Variants in CACNA1E observed in about 807,000 individuals in gnomAD.
CACNA1E encodes voltage-dependent R-type calcium channel subunit alpha-1E.
In CACNA1E, 40 loss-of-function variants were observed where a neutral mutation model predicts 259.2. The observed-to-expected ratio is 0.15, with a 90% CI of 0.12 to 0.20. The LOEUF is 0.20. Ranked by LOEUF, CACNA1E falls within the 10% of genes least tolerant of loss-of-function variation. The pLI is 1.00. For missense variants in CACNA1E, 1,874 were observed against 3,040.1 expected (o/e 0.62, Z 9.02); for synonymous variants, 1,104 against 1,138.5 (o/e 0.97, Z 0.61).
chr1:181,334,615 C>A (rs1314148867), intron 1 of CACNA1E, among the ~76,000 whole-genome samples: 2 of 152,190 alleles, frequency 1.3e-5, no homozygotes, highest in African/African-American at 4.8e-5. Context: ...TCTTTCACTC[C>A]CCACATCCAA....
At chr1:181,529,474 C>T (rs2102720414) in intron 3 of CACNA1E, among the ~76,000 whole-genome samples, 1 of 152,294 alleles carries the variant, frequency 6.6e-6, no homozygotes, top group South Asian at 2.1e-4. Context: ...CCACTGTCCT[C>T]CAGACCCCAG....
rs138615099 is a variant in CACNA1E at position 181,323,591 on chromosome 1, T to C, written c.-15+5468T>C. Among the ~76,000 whole-genome samples, 38 of 152,360 alleles carry C rather than the reference T, an allele frequency of 2.5e-4. No individual in the cohort carries two copies. The East Asian group carries it at 7.3e-3, about 29-fold the overall frequency. On this transcript the variant is annotated intron_variant, in intron 1 of 11. Coordinates refer to the CACNA1E transcript ENST00000524607. ...CTTTACTAGTCATACAATAGGATTT[T>C]TTTGTTTGCTATATTTACTGAATAG...
intron 3 of CACNA1E, among the ~76,000 whole-genome samples, chr1:181,566,891 G>T (rs982073592): frequency 5.9e-5 from 9 of 151,806 alleles, no homozygotes; most frequent in African/African-American, 2.2e-4. Context: ...GATGTTGTTG[G>T]TTGTCATTGC....
intron 2 of CACNA1E, among the ~76,000 whole-genome samples, chr1:181,429,187 A>C (rs1659533500): frequency 6.6e-6 from 1 of 152,204 alleles, no homozygotes; most frequent in African/African-American, 2.4e-5. Context: ...ATCTTAAAAA[A>C]AACAAAAAAG....
intron 1 of CACNA1E, among the ~76,000 whole-genome samples, chr1:181,341,799 T>C (rs1040377746): frequency 2.0e-5 from 3 of 152,264 alleles, no homozygotes; most frequent in African/African-American, 7.2e-5. Flanking sequence ...TGGCTATTTT[T>C]CCTGGGAATT....
intron 3 of CACNA1E, among the ~76,000 whole-genome samples, chr1:181,525,143 A>G (rs915459168): frequency 6.6e-6 from 1 of 152,240 alleles, no homozygotes; most frequent in Non-Finnish European, 1.5e-5. Flanking sequence ...ACATTTGATC[A>G]GAAGAAAAAA....
chr1:181,336,042 A>G (rs2102614751), intron 1 of CACNA1E, among the ~76,000 whole-genome samples: 1 of 152,310 alleles, frequency 6.6e-6, no homozygotes, highest in Non-Finnish European at 1.5e-5. Context: ...AGGTCTAATC[A>G]ATAGAACTTA....
chr1:181,353,445 A>G (rs939740496), intron 1 of CACNA1E, among the ~76,000 whole-genome samples: 8 of 152,358 alleles, frequency 5.3e-5, no homozygotes, highest in Middle Eastern at 3.4e-3. Context: ...ATCTGCTCTG[A>G]AGTCTGAAAG....
At chr1:181,625,895 G>A (rs1188569433) in intron 6 of CACNA1E, among the ~76,000 whole-genome samples, 1 of 152,186 alleles carries the variant, frequency 6.6e-6, no homozygotes, top group East Asian at 1.9e-4. Context: ...AGTCAGAGAA[G>A]TGTGACTCTT....
intron 3 of CACNA1E, among the ~76,000 whole-genome samples, chr1:181,515,499 C>T (rs1313864620): frequency 6.6e-6 from 1 of 152,102 alleles, no homozygotes; most frequent in Admixed American, 6.5e-5. Flanking sequence ...GAAATGTGGA[C>T]GTTATTATAT....
intron 8 of CACNA1E, among the ~76,000 whole-genome samples, chr1:181,713,828 G>A (rs576611515): frequency 1.3e-5 from 2 of 152,116 alleles, no homozygotes; most frequent in African/African-American, 4.8e-5. Context: ...GCACTTGGAG[G>A]GATGCTAGTG....
At chr1:181,649,936 G>T (rs901862423) in intron 6 of CACNA1E, among the ~76,000 whole-genome samples, 22 of 152,170 alleles carry the variant, frequency 1.4e-4, no homozygotes, top group African/African-American at 5.1e-4. Flanking sequence ...GAAATAATCT[G>T]TACAACAAAC....
chr1:181,320,515 T>C (rs368416342), intron 1 of CACNA1E, among the ~76,000 whole-genome samples: 11 of 152,236 alleles, frequency 7.2e-5, no homozygotes, highest in African/African-American at 2.7e-4. Flanking sequence ...TCATAATTAA[T>C]TGTTAACCAA....
Position 181,732,313 on chromosome 1 carries a change from G to T in CACNA1E, c.2298-71G>T. On this transcript the variant is annotated intron_variant, in intron 19 of 47. Coordinates refer to ENST00000367573, the MANE Select transcript of CACNA1E (RefSeq NM_001205293.3). The surrounding 1 kb of genome is among the most constrained non-coding windows in gnomAD (Gnocchi z 5.5). ...ACCATGTGTCCTGCCCTCTCACATG[G>T]CCCCTGTGGCCACCCTCCCTGCCTG... is the stretch of plus-strand genomic sequence containing the variant. 1.4e-6 allele frequency: 2 copies of T among 1,451,818 alleles called. No individual in the cohort carries two copies. 89.9% of individuals were successfully genotyped at this position (1,451,818 alleles called of 1,614,324 possible). A position where few individuals can be genotyped will look rare whatever the true frequency, so the allele number is the denominator to read the frequency against.
At chr1:181,418,227 G>T (rs577134217) in intron 2 of CACNA1E, among the ~76,000 whole-genome samples, 1 of 151,996 alleles carries the variant, frequency 6.6e-6, no homozygotes, top group Non-Finnish European at 1.5e-5. Flanking sequence ...CAAACTCTTG[G>T]CCTCAAGTAA....
chr1:181,393,684 C>G (rs553894000), intron 1 of CACNA1E, among the ~76,000 whole-genome samples: 7 of 152,312 alleles, frequency 4.6e-5, no homozygotes, highest in African/African-American at 1.7e-4. Context: ...TCTCGAACTC[C>G]TGAGCTCAGG....
chr1:181,569,400 C>T (rs1395040159), intron 3 of CACNA1E, among the ~76,000 whole-genome samples: 4 of 152,174 alleles, frequency 2.6e-5, no homozygotes, highest in Non-Finnish European at 1.5e-5. Flanking sequence ...CTTTCCCAGC[C>T]TCGTCCTCTT....
chr1:181,506,929 C>G (rs1197394887), intron 1 of CACNA1E, among the ~76,000 whole-genome samples: 1 of 152,120 alleles, frequency 6.6e-6, no homozygotes, highest in Non-Finnish European at 1.5e-5. Context: ...TCTCCACATT[C>G]TCACTGCAGG....
At chr1:181,727,475 C>T (rs576529048) in intron 18 of CACNA1E, among the ~76,000 whole-genome samples, 23 of 152,342 alleles carry the variant, frequency 1.5e-4, no homozygotes, top group Admixed American at 9.8e-4. Flanking sequence ...GAGCCATTTT[C>T]GTGGCCAGGT....
Sources: gnomAD v4.1 joint callset for allele counts (sites outside exome capture counted in the v4.1 genomes callset) on GRCh38, gnomAD v4.1.1 for gene constraint, Gnocchi (gnomAD v3.1) non-coding constraint, MANE v1.5 for transcripts, NCBI Gene and HGNC (gene_info 2026-07-23, HGNC 2026-07-21) for gene names.